Variants in FAM118B observed in about 807,000 individuals in gnomAD.
The protein encoded by FAM118B is protein FAM118B.
In FAM118B, 24 loss-of-function variants were observed where a neutral mutation model predicts 38.5. The observed-to-expected ratio is 0.62, with a 90% CI of 0.45 to 0.88. The LOEUF is 0.88. Among genes scored for constraint, FAM118B ranks in the 40% least tolerant of loss-of-function variants. The pLI is 0.00. For synonymous variants in FAM118B, 138 were observed against 156.3 expected, an observed-to-expected ratio of 0.88 and a Z score of 0.87; for missense variants, 334 against 420.0, an observed-to-expected ratio of 0.80 and a Z score of 1.79.
rs1247599222 is a variant in FAM118B at position 126,235,125 on chromosome 11, T to C, written c.86+38T>C. 11 of 1,577,706 alleles carry C rather than the reference T, an allele frequency of 7.0e-6. No homozygotes were observed. In the East Asian group the frequency reaches 2.5e-4, roughly 35 times the overall value. On this transcript the variant is annotated intron_variant, in intron 3 of 8. Transcript: ENST00000533050. ...AGGGAATCAGCAGAGTAAATTACCA[T>C]TAGTGGGAGAGAAAGAAAAATAGCC...
Position 126,256,517 on chromosome 11 carries a change from G to A in FAM118B, c.697-50G>A. The A allele has an allele frequency of 6.4e-7, 1 of 1,566,666 alleles. No individual in the cohort carries two copies. Among genetic ancestry groups the A allele is most frequent in the Non-Finnish European group, 8.7e-7 (1 of 1,147,152 alleles). On this transcript the variant is annotated intron_variant, in intron 6 of 8. Transcript: ENST00000533050. This position sits in a 1 kb window ranked among gnomAD's most constrained non-coding sequence, Gnocchi z 6.6. ...AGCATGACCTTCTTGTTTCAGACTTGCCTTGAGTGTGTCTTCACAATGTCA... is the reference window on the plus strand; with the variant it reads ...AGCATGACCTTCTTGTTTCAGACTTACCTTGAGTGTGTCTTCACAATGTCA...
intron 4 of FAM118B, among the ~76,000 whole-genome samples, chr11:126,249,980 C>T (rs1278678170): frequency 6.6e-6 from 1 of 151,988 alleles, no homozygotes; most frequent in African/African-American, 2.4e-5. Flanking sequence ...TTTTAGGAAG[C>T]TTACGTATAG....
intron 2 of FAM118B, among the ~76,000 whole-genome samples, chr11:126,230,856 A>G (rs1007801659): frequency 1.3e-5 from 2 of 152,200 alleles, no homozygotes; most frequent in African/African-American, 2.4e-5. Flanking sequence ...CTATCAAAAC[A>G]AGAGCTGCTG....
rs541671422 is a variant in FAM118B at position 126,228,856 on chromosome 11, G to C, written c.-76-369G>C. Among the ~76,000 whole-genome samples, 3 of 152,298 alleles carry C rather than the reference G, an allele frequency of 2.0e-5. No homozygotes were observed. In the South Asian group the frequency reaches 6.2e-4, roughly 32 times the overall value. ...TTACAGGCTTGAGCCACCCGCGCCT[G>C]GCCTCAAATTTTAACTCATAGAGAA... On this transcript the variant is annotated intron_variant, in intron 1 of 8. Transcript: ENST00000533050.
intron 7 of FAM118B, among the ~76,000 whole-genome samples, chr11:126,258,177 C>G (rs796142418): frequency 1.3e-5 from 2 of 152,262 alleles, no homozygotes; most frequent in African/African-American, 4.8e-5. Flanking sequence ...GGGAGGATCA[C>G]TTGAGGCCAG....
intron 3 of FAM118B, among the ~76,000 whole-genome samples, chr11:126,239,273 TC>T (rs1159103365): frequency 6.6e-6 from 1 of 152,150 alleles, no homozygotes; most frequent in Non-Finnish European, 1.5e-5. Context: ...AAATTGGAAG[TC>T]TTAATTAGGA....
chr11:126,239,461 C>T (rs1173851711), intron 3 of FAM118B, among the ~76,000 whole-genome samples: 2 of 152,144 alleles, frequency 1.3e-5, no homozygotes, highest in Non-Finnish European at 2.9e-5. Flanking sequence ...GTGTATGCTT[C>T]ACTATCTTGA....
intron 1 of FAM118B, among the ~76,000 whole-genome samples, chr11:126,221,054 G>A (rs907879735): frequency 1.8e-4 from 28 of 152,178 alleles, no homozygotes; most frequent in Non-Finnish European, 1.5e-5. Context: ...AAACATGGTG[G>A]CGTGGGCCTG....
chr11:126,237,972 G>C (rs1950304190), intron 3 of FAM118B, among the ~76,000 whole-genome samples: 1 of 150,136 alleles, frequency 6.7e-6, no homozygotes, highest in South Asian at 2.1e-4. Flanking sequence ...CTCTCTACCT[G>C]CTAGTTTGTT....
chr11:126,245,605 G>A (rs553723133), intron 4 of FAM118B, among the ~76,000 whole-genome samples: 111 of 151,648 alleles, frequency 7.3e-4, no homozygotes, highest in Non-Finnish European at 1.1e-3. Flanking sequence ...GAGGTAGGAG[G>A]ATCATTTGAT....
intron 2 of FAM118B, among the ~76,000 whole-genome samples, chr11:126,232,333 C>T (rs553045783): frequency 1.3e-5 from 2 of 152,198 alleles, no homozygotes; most frequent in East Asian, 1.9e-4. Flanking sequence ...ACCAAGTACC[C>T]GATCTTTCTG....
intron 4 of FAM118B, among the ~76,000 whole-genome samples, chr11:126,243,087 AAG>A (rs1011301805): frequency 6.6e-6 from 1 of 152,188 alleles, no homozygotes; most frequent in African/African-American, 2.4e-5. Context: ...CATTAAGTAA[AAG>A]AAGCCAGACA....
intron 2 of FAM118B, among the ~76,000 whole-genome samples, chr11:126,234,468 C>G (rs1950245416): frequency 6.6e-6 from 1 of 152,148 alleles, no homozygotes; most frequent in African/African-American, 2.4e-5. Context: ...GAGACATGCC[C>G]CACTGGCTAC....
At chr11:126,257,445 T>C (rs1432665088) in intron 7 of FAM118B, among the ~76,000 whole-genome samples, 1 of 152,122 alleles carries the variant, frequency 6.6e-6, no homozygotes, top group African/African-American at 2.4e-5. Context: ...GTGGAGATTC[T>C]ACAGATATGC....
intron 4 of FAM118B, among the ~76,000 whole-genome samples, chr11:126,246,539 G>C (rs1269097118): frequency 1.3e-5 from 2 of 152,168 alleles, no homozygotes; most frequent in African/African-American, 2.4e-5. Flanking sequence ...AAAATGTCTG[G>C]CACATAGTTG....
chr11:126,244,746 C>T lies in FAM118B; in HGVS notation c.339+3702C>T, dbSNP rs879532739. Among the ~76,000 whole-genome samples the T allele has an allele frequency of 2.0e-5, 3 of 152,004 alleles. No individual in the cohort carries two copies. The highest frequency in any genetic ancestry group is 4.4e-5 in the Non-Finnish European group (3 of 68,008). On this transcript the variant is annotated intron_variant, in intron 4 of 8. Transcript: ENST00000533050. This position sits in a 1 kb window ranked among gnomAD's most constrained non-coding sequence, Gnocchi z 4.5. ...TTGAACCTGGGAGCAGAGGTTGCAG[C>T]GAGCCAGGATCCCTCCACTGCACTC...
chr11:126,220,768 A>G (rs1218934471), intron 1 of FAM118B, among the ~76,000 whole-genome samples: 1 of 151,906 alleles, frequency 6.6e-6, no homozygotes, highest in Non-Finnish European at 1.5e-5. Flanking sequence ...CTCCTAAGAA[A>G]CCTGGTCTTT....
intron 1 of FAM118B, among the ~76,000 whole-genome samples, chr11:126,225,081 A>C (rs184315689): frequency 6.6e-6 from 1 of 152,366 alleles, no homozygotes; most frequent in Admixed American, 6.5e-5. Context: ...TCTCCAGATT[A>C]GAAGCCAAAA....
At chr11:126,240,671 C>A in intron 3 of FAM118B, 121 bp from the exon 4 acceptor site, 1 of 988,670 alleles carries the variant, frequency 1.0e-6, no homozygotes, top group Non-Finnish European at 1.5e-6. Context: ...TCAAAAACTG[C>A]TGTTCATCTT....
Sources: gnomAD v4.1 joint callset for allele counts (sites outside exome capture counted in the v4.1 genomes callset) on GRCh38, gnomAD v4.1.1 for gene constraint, Gnocchi (gnomAD v3.1) non-coding constraint, MANE v1.5 for transcripts, NCBI Gene and HGNC (gene_info 2026-07-23, HGNC 2026-07-21) for gene names.